Variants in PPP1R9A observed in about 807,000 individuals in gnomAD.
PPP1R9A encodes protein phosphatase 1 regulatory subunit 9A.
In PPP1R9A, 59 loss-of-function variants were observed where a neutral mutation model predicts 141.9. The observed-to-expected ratio is 0.42, with a 90% confidence interval of 0.34 to 0.52. The LOEUF (loss-of-function observed/expected upper bound fraction) is 0.52, where lower values mean the gene tolerates loss of function less well. Among genes scored for constraint, PPP1R9A ranks in the 20% least tolerant of loss-of-function variants. The pLI is 0.10. For missense variants in PPP1R9A, 1,444 were observed against 1,611.9 expected, an observed-to-expected ratio of 0.90 and a Z score of 1.78; for synonymous variants, 500 against 569.7, an observed-to-expected ratio of 0.88 and a Z score of 1.74.
intron 4 of PPP1R9A, among the ~76,000 whole-genome samples, chr7:95,137,180 A>G (rs1323655774): frequency 1.3e-5 from 2 of 151,456 alleles, no homozygotes; most frequent in Non-Finnish European, 2.9e-5. Flanking sequence ...GGTGTGCTGC[A>G]CCCATTAACT....
At chr7:94,979,087 A>G (rs748854922) in intron 2 of PPP1R9A, among the ~76,000 whole-genome samples, 1 of 152,166 alleles carries the variant, frequency 6.6e-6, no homozygotes, top group African/African-American at 2.4e-5. Flanking sequence ...ATGAGCTACC[A>G]TGTCCAGCCA....
chr7:95,061,952 G>A (rs1273323767), intron 2 of PPP1R9A, among the ~76,000 whole-genome samples: 1 of 152,176 alleles, frequency 6.6e-6, no homozygotes, highest in African/African-American at 2.4e-5. Flanking sequence ...GAACAAACTT[G>A]TATGACCCTG....
rs572745275 is a variant in PPP1R9A, at chr7:94,955,391, C to T, written c.1395+43883C>T. Reference sequence around the variant, plus strand: ...TATCCATACTCCTATACTGTTCTTGCGACATGGATAATCAAGAATAACCTG... The same window carrying T: ...TATCCATACTCCTATACTGTTCTTGTGACATGGATAATCAAGAATAACCTG... On this transcript the variant is annotated intron_variant, in intron 2 of 19. Coordinates refer to ENST00000433360, the MANE Select transcript of PPP1R9A (RefSeq NM_001166160.2). Among the ~76,000 whole-genome samples the T allele has an allele frequency of 8.5e-5, 13 of 152,180 alleles. No individual in the cohort carries two copies. In the East Asian group the frequency reaches 1.4e-3, roughly 16 times the overall value.
chr7:95,070,606 T>TATATATATATATATATATATATATAC (rs1563193449), intron 2 of PPP1R9A, among the ~76,000 whole-genome samples: 1 of 127,668 alleles, frequency 7.8e-6, no homozygotes, highest in African/African-American at 2.7e-5. Flanking sequence ...TATATATATA[T>TATATATATATATATATATATATATAC]ATATACACAC....
intron 3 of PPP1R9A, among the ~76,000 whole-genome samples, chr7:95,112,964 C>G (rs1157557072): frequency 6.6e-6 from 1 of 152,018 alleles, no homozygotes; most frequent in Non-Finnish European, 1.5e-5. Flanking sequence ...GACAAATAAC[C>G]ACTTGCGCAC....
intron 2 of PPP1R9A, among the ~76,000 whole-genome samples, chr7:95,083,185 C>G (rs1816161373): frequency 6.6e-6 from 1 of 151,842 alleles, no homozygotes; most frequent in Non-Finnish European, 1.5e-5. Context: ...AATGAAGACC[C>G]AGAGAAACAG....
At chr7:95,126,420 T>C in intron 4 of PPP1R9A, among the ~76,000 whole-genome samples, 1 of 152,182 alleles carries the variant, frequency 6.6e-6, no homozygotes, top group Non-Finnish European at 1.5e-5. Context: ...AATATCACAG[T>C]GAGACTGAAG....
chr7:95,165,982 T>G (rs1831184325), intron 5 of PPP1R9A, among the ~76,000 whole-genome samples: 1 of 151,982 alleles, frequency 6.6e-6, no homozygotes, highest in Admixed American at 6.6e-5. Flanking sequence ...ACCCCGTCTC[T>G]ACTAAAAATA....
At position 95,243,126 on chromosome 7, in the gene PPP1R9A, T is replaced by C. The variant is rs144812425; in HGVS notation, c.2113-4347T>C. Among the ~76,000 whole-genome samples, 18 of 152,200 alleles carry C rather than the reference T, an allele frequency of 1.2e-4. No homozygotes were observed. In the East Asian group the frequency reaches 3.5e-3, roughly 29 times the overall value. On this transcript the variant is annotated intron_variant, in intron 8 of 19. Coordinates refer to ENST00000433360, the MANE Select transcript of PPP1R9A (RefSeq NM_001166160.2). ...CCTCATGAAATGGAGATAACTTGGG[T>C]CCATCTTGCTCACTTTGCTTGGAAA...
chr7:95,098,503 C>T (rs924021856), intron 2 of PPP1R9A: 1 of 151,984 alleles, frequency 6.6e-6, no homozygotes, highest in African/African-American at 2.4e-5. Flanking sequence ...CTTTATATCA[C>T]ATTCCTTTTT....
At chr7:94,947,570 G>A (rs545841396) in intron 2 of PPP1R9A, among the ~76,000 whole-genome samples, 14 of 152,076 alleles carry the variant, frequency 9.2e-5, no homozygotes, top group Non-Finnish European at 1.6e-4. Context: ...TTCTCTGGGG[G>A]CAGTTGCTAC....
At chr7:95,186,037 AT>A (rs35549926) in intron 5 of PPP1R9A, among the ~76,000 whole-genome samples, 82,299 of 150,492 alleles carry the variant, frequency 0.55, 22,476 homozygotes, top group Middle Eastern at 0.62. Flanking sequence ...AATTTTTAGG[AT>A]TTTTTTTTTC....
Position 95,295,247 on chromosome 7 carries a change from G to T in PPP1R9A, c.*4944G>T, listed in dbSNP as rs1417934594. ...TCTTGCGTTGTGTATACATTGAATGGCTCATAGATTTTAAGAGATTTTTTT... is the reference window on the plus strand; with the variant it reads ...TCTTGCGTTGTGTATACATTGAATGTCTCATAGATTTTAAGAGATTTTTTT... On this transcript the variant is annotated 3_prime_UTR_variant, in exon 20 of 20. Transcript: ENST00000433360. 3 of 152,552 alleles carry T rather than the reference G, an allele frequency of 2.0e-5. No homozygotes were observed. Among genetic ancestry groups the T allele is most frequent in the Non-Finnish European group, 4.4e-5 (3 of 68,036 alleles). The allele number at this position is 152,552 out of a possible 1,614,324, so 9.4% of individuals were successfully genotyped here.
intron 2 of PPP1R9A, among the ~76,000 whole-genome samples, chr7:94,979,987 T>A (rs1314453166): frequency 2.0e-5 from 3 of 152,142 alleles, no homozygotes; most frequent in Non-Finnish European, 4.4e-5. Flanking sequence ...ATAATACTTG[T>A]GAATTGGTAT....
intron 2 of PPP1R9A, among the ~76,000 whole-genome samples, chr7:94,969,742 CCA>C (rs1321079473): frequency 1.3e-5 from 2 of 152,096 alleles, no homozygotes; most frequent in African/African-American, 4.8e-5. Flanking sequence ...GAAGCTGCGC[CCA>C]GAGCCACCCT....
chr7:95,272,180 G>A lies in PPP1R9A; in HGVS notation c.3125-1719G>A, dbSNP rs549719616. Among the ~76,000 whole-genome samples the A allele has an allele frequency of 5.9e-5, 9 of 152,280 alleles. No homozygotes were observed. The South Asian group carries it at 1.0e-3, about 18-fold the overall frequency. On this transcript the variant is annotated intron_variant, in intron 14 of 19. Transcript: ENST00000433360. ...CATTGCCTCAGCTGGTCTTCTCAGC[G>A]CTCATTGTAACATCTCCCAGCTACC...
chr7:95,054,604 A>G lies in PPP1R9A; in HGVS notation c.1396-56655A>G, dbSNP rs1407334587. ...GTGAAGTAGAAGGTGTGGTTACTGG[A>G]GCTATAAGGCCCTATGCGTCCTGGC... On this transcript the variant is annotated intron_variant, in intron 2 of 19. Coordinates refer to ENST00000433360, the MANE Select transcript of PPP1R9A (RefSeq NM_001166160.2). Among the ~76,000 whole-genome samples the G allele has an allele frequency of 3.3e-5, 5 of 152,090 alleles. No homozygotes were observed. The South Asian group carries it at 1.0e-3, about 32-fold the overall frequency.
chr7:94,969,413 G>T (rs1389833963), intron 2 of PPP1R9A, among the ~76,000 whole-genome samples: 4 of 152,080 alleles, frequency 2.6e-5, no homozygotes, highest in Admixed American at 6.5e-5. Flanking sequence ...CCTGCTGCAG[G>T]TCTGCTGGGG....
chr7:95,217,956 G>T (rs957233536), intron 7 of PPP1R9A, among the ~76,000 whole-genome samples: 1 of 152,002 alleles, frequency 6.6e-6, no homozygotes, highest in Non-Finnish European at 1.5e-5. Context: ...AGGGTTTTTT[G>T]TGTCTCTATC....
Sources: allele counts gnomAD v4.1 joint callset (sites outside exome capture counted in the v4.1 genomes callset), GRCh38; gene constraint gnomAD v4.1.1; transcripts MANE v1.5; gene names NCBI Gene and HGNC (gene_info 2026-07-23, HGNC 2026-07-21).